MTUS2: variants seen among roughly 807,000 people sequenced by gnomAD.
The protein encoded by MTUS2 is microtubule-associated tumor suppressor candidate 2.
Under a neutral mutation model 114.1 loss-of-function variants are expected in MTUS2, and 40 were observed. That is an observed-to-expected ratio of 0.35 (90% CI 0.27 to 0.46). The LOEUF (loss-of-function observed/expected upper bound fraction) is 0.46. Among genes scored for constraint, MTUS2 ranks in the 20% least tolerant of loss-of-function variants. The pLI is 1.00. For missense variants in MTUS2, 1,679 were observed against 1,705.4 expected (o/e 0.98, Z 0.27); for synonymous variants, 688 against 672.0 (o/e 1.02, Z -0.37).
At chr13:29,183,104 T>C (rs1009908845) in intron 5 of MTUS2, among the ~76,000 whole-genome samples, 11 of 152,146 alleles carry the variant, frequency 7.2e-5, no homozygotes, top group Admixed American at 7.2e-4. Flanking sequence ...CTGGCTGCTG[T>C]GTTCTGTAGT....
At chr13:29,491,717 TG>T (rs918660178) in intron 11 of MTUS2, among the ~76,000 whole-genome samples, 1 of 121,354 alleles carries the variant, frequency 8.2e-6, no homozygotes, top group African/African-American at 3.0e-5. Context: ...GTGATGTGTG[TG>T]GTAGGTGTGT....
chr13:28,945,284 TACGAGGGAAGGTATC>T (rs1213313630), intron 2 of MTUS2, among the ~76,000 whole-genome samples: 1 of 102,562 alleles, frequency 9.8e-6, no homozygotes, highest in Admixed American at 1.1e-4. Flanking sequence ...ATAATAAACA[TACGAGGGAAGGTATC>T]TTCGATATAA....
At position 28,831,736 on chromosome 13, in the gene MTUS2, T is replaced by C. The variant is rs145513563; in HGVS notation, c.-315-8042T>C. 4.2e-3 allele frequency among the ~76,000 whole-genome samples: 634 copies of C among 150,930 alleles called. 1 individual carries two copies. The highest frequency in any genetic ancestry group is 0.013 in the African/African-American group (548 of 41,240). ...CCCTCCCTCCCTCCCTTCCTTCCTT[T>C]CTTCCTTCCTTCCTTTTTTATTTAT... On this transcript the variant is annotated intron_variant, in intron 1 of 15. Transcript: ENST00000612955.
chr13:29,435,879 A>G (rs998570721), intron 8 of MTUS2, among the ~76,000 whole-genome samples: 4 of 152,232 alleles, frequency 2.6e-5, no homozygotes, highest in African/African-American at 9.6e-5. Flanking sequence ...CATCTTCAGC[A>G]GCAACATATT....
chr13:29,028,701 T>C (rs1362807760), intron 3 of MTUS2, among the ~76,000 whole-genome samples: 3 of 152,094 alleles, frequency 2.0e-5, no homozygotes, highest in Non-Finnish European at 4.4e-5. Context: ...TACCTCCACC[T>C]GCCATAAATA....
At chr13:29,266,149 T>C (rs1371234241) in intron 5 of MTUS2, among the ~76,000 whole-genome samples, 1 of 152,186 alleles carries the variant, frequency 6.6e-6, no homozygotes, top group African/African-American at 2.4e-5. Context: ...GGGGGTGATA[T>C]CAGTGGCATT....
At chr13:29,214,442 T>C (rs1169235624) in intron 5 of MTUS2, among the ~76,000 whole-genome samples, 1 of 152,250 alleles carries the variant, frequency 6.6e-6, no homozygotes, top group East Asian at 1.9e-4. Context: ...TGATGCAGTT[T>C]CTTCATAATG....
rs1871235652 is a variant in MTUS2 at position 29,371,993 on chromosome 13, C to G, written c.3117+12520C>G. Among the ~76,000 whole-genome samples, 2 of 126,956 alleles carry G rather than the reference C, an allele frequency of 1.6e-5. 1 individual carries two copies. Among genetic ancestry groups the G allele is most frequent in the Non-Finnish European group, 3.4e-5 (2 of 59,188 alleles). 83.3% of individuals were successfully genotyped at this position (126,956 alleles called of 152,430 possible). A position where few individuals can be genotyped will look rare whatever the true frequency, so the allele number is the denominator to read the frequency against. Reference sequence around the variant, plus strand: ...CAACCCCCGCCCCCCCCCCCACACACACACACAAGCACAAAAGGTAACTGT... The same window carrying G: ...CAACCCCCGCCCCCCCCCCCACACAGACACACAAGCACAAAAGGTAACTGT... On this transcript the variant is annotated intron_variant, in intron 8 of 15. Transcript: ENST00000612955.
intron 5 of MTUS2, among the ~76,000 whole-genome samples, chr13:29,164,723 A>G (rs1893242561): frequency 6.6e-6 from 1 of 152,068 alleles, no homozygotes; most frequent in Non-Finnish European, 1.5e-5. Flanking sequence ...AGGAAGAAAA[A>G]TGGTGGGTGA....
At chr13:29,094,436 G>C (rs181536406) in intron 4 of MTUS2, among the ~76,000 whole-genome samples, 76 of 151,764 alleles carry the variant, frequency 5.0e-4, no homozygotes, top group Middle Eastern at 6.8e-3. Context: ...TATTTCTGTG[G>C]AATTTGTCCA....
intron 2 of MTUS2, among the ~76,000 whole-genome samples, chr13:29,012,192 C>T (rs1885873899): frequency 6.6e-6 from 1 of 152,182 alleles, no homozygotes; most frequent in African/African-American, 2.4e-5. Flanking sequence ...CTCAAGCGTG[C>T]CTCCTGCTCT....
chr13:29,140,980 T>C (rs5015074), intron 5 of MTUS2, among the ~76,000 whole-genome samples: 62,686 of 152,118 alleles, frequency 0.41, 14,344 homozygotes, highest in Non-Finnish European at 0.48. Flanking sequence ...GAAATAGCCT[T>C]AGGGGTCCCC....
At chr13:28,911,052 T>G (rs1471847429) in intron 2 of MTUS2, among the ~76,000 whole-genome samples, 1 of 151,336 alleles carries the variant, frequency 6.6e-6, no homozygotes, top group Non-Finnish European at 1.5e-5. Context: ...ATTTTTTGTA[T>G]TTTTAGTAGA....
chr13:29,476,552 A>AC (rs1467882814), intron 9 of MTUS2: 5 of 75,718 alleles, frequency 6.6e-5, no homozygotes, highest in African/African-American at 9.3e-5. Flanking sequence ...TAATTCACAT[A>AC]CCATACAACC....
chr13:29,266,041 C>T (rs1169312500), intron 5 of MTUS2, among the ~76,000 whole-genome samples: 1 of 151,962 alleles, frequency 6.6e-6, no homozygotes, highest in Non-Finnish European at 1.5e-5. Flanking sequence ...ATAGTTATCG[C>T]CCTGGAAAGA....
At chr13:29,492,749 TA>T (rs777796793) in intron 12 of MTUS2, 30 bp downstream of exon 12, 128 of 1,545,436 alleles carry the variant, frequency 8.3e-5, no homozygotes, top group Non-Finnish European at 1.8e-6. Context: ...TCTTACCTGG[TA>T]TCGAGATAAT....
chr13:29,324,738 T>C, intron 7 of MTUS2, 27 bp downstream of exon 7: 3 of 1,540,188 alleles, frequency 1.9e-6, no homozygotes, highest in Non-Finnish European at 2.7e-6. Context: ...ATGTGTTCCT[T>C]GGGGGAATGA....
At chr13:29,357,521 A>G (rs2063341270) in intron 7 of MTUS2, among the ~76,000 whole-genome samples, 1 of 152,224 alleles carries the variant, frequency 6.6e-6, no homozygotes, top group Non-Finnish European at 1.5e-5. Context: ...TTGTGGGGAA[A>G]AAAATATCTA....
chr13:29,391,763 A>T (rs1873498318), intron 8 of MTUS2, among the ~76,000 whole-genome samples: 1 of 152,182 alleles, frequency 6.6e-6, no homozygotes. Flanking sequence ...CTACGATTTT[A>T]ATCATTTTAG....
Sources: allele counts gnomAD v4.1 joint callset (sites outside exome capture counted in the v4.1 genomes callset), GRCh38; gene constraint gnomAD v4.1.1; transcripts MANE v1.5; gene names NCBI Gene and HGNC (gene_info 2026-07-23, HGNC 2026-07-21).